TENM1: variants seen among roughly 807,000 people sequenced by gnomAD.
TENM1 encodes teneurin transmembrane protein 1.
A neutral mutation model predicts 174.8 loss-of-function variants in TENM1; 35 were observed. The ratio of observed to expected loss-of-function variants is 0.20; its 90% CI spans 0.15 to 0.27. The LOEUF is 0.27. TENM1 is among the 10% of genes least tolerant of loss of function. The pLI, the probability that TENM1 is intolerant of heterozygous loss-of-function variation, is 1.00. For synonymous variants in TENM1, 781 were observed against 798.7 expected, an observed-to-expected ratio of 0.98 and a Z score of 0.37; for missense variants, 1,633 against 2,130.1, an observed-to-expected ratio of 0.77 and a Z score of 4.59.
At chrX:124,555,862 C>G (rs768712916) in intron 14 of TENM1, among the ~76,000 whole-genome samples, 5 of 111,894 alleles carry the variant, frequency 4.5e-5, no homozygotes, top group African/African-American at 6.5e-5. Flanking sequence ...CGATGATGAA[C>G]AGCAGTAGCA....
intron 1 of TENM1, among the ~76,000 whole-genome samples, chrX:124,950,825 A>G (rs868247829): frequency 1.3e-4 from 15 of 111,889 alleles, no homozygotes; most frequent in African/African-American, 4.9e-4. Context: ...TAAAAACTGC[A>G]TAATTGTTTT....
chrX:124,996,230 T>G, the TENM1 span, among the ~76,000 whole-genome samples: 8 of 110,907 alleles, frequency 7.2e-5, no homozygotes, highest in Non-Finnish European at 1.5e-4. Flanking sequence ...CTTCTTCACA[T>G]TAACTTTCTG....
At chrX:125,123,128 A>G in the TENM1 span, among the ~76,000 whole-genome samples, 1 of 111,946 alleles carries the variant, frequency 8.9e-6, no homozygotes, top group Admixed American at 9.6e-5. Flanking sequence ...ACACAACTGA[A>G]CATACTTAAT....
chrX:124,579,045 T>A, intron 11 of TENM1, among the ~76,000 whole-genome samples: 1 of 112,158 alleles, frequency 8.9e-6, no homozygotes, highest in Non-Finnish European at 1.9e-5. Context: ...CTCAGATCAT[T>A]GAAGATAGCT....
chrX:124,738,395 G>T (rs747442930), intron 3 of TENM1, among the ~76,000 whole-genome samples: 1 of 111,836 alleles, frequency 8.9e-6, no homozygotes, highest in South Asian at 3.7e-4. Context: ...CATTGGCATG[G>T]TTTTTTATTT....
intron 3 of TENM1, among the ~76,000 whole-genome samples, chrX:124,867,216 T>A (rs2057024551): frequency 8.9e-6 from 1 of 111,858 alleles, no homozygotes; most frequent in Admixed American, 9.5e-5. Context: ...ATATTTCTGA[T>A]GAATATTGAT....
At chrX:124,988,607 T>C in the TENM1 span, among the ~76,000 whole-genome samples, 4 of 111,453 alleles carry the variant, frequency 3.6e-5, no homozygotes, top group Non-Finnish European at 5.7e-5. Flanking sequence ...AGAAAAATAA[T>C]TGTATACCAA....
chrX:124,755,581 C>T lies in TENM1; in HGVS notation c.536-18384G>A, dbSNP rs12388225. ...GTTAGTTGATGCAGTTTCTTCCTAG[C>T]CTCGATGGTCTTTACAATTTGGCAT... On this transcript the variant is annotated intron_variant, in intron 3 of 31. Transcript: ENST00000422452. 9.0e-4 allele frequency among the ~76,000 whole-genome samples: 100 copies of T among 111,397 alleles called. 2 individuals are homozygous for T. Among genetic ancestry groups the T allele is most frequent in the African/African-American group, 3.1e-3 (95 of 30,608 alleles).
rs2060904637 is a variant in TENM1, at chrX:124,441,734, G to A, written c.4104+11603C>T. Among the ~76,000 whole-genome samples the A allele has an allele frequency of 1.8e-5, 2 of 112,389 alleles. 1 individual carries two copies. On this transcript the variant is annotated intron_variant, in intron 23 of 31. Coordinates refer to ENST00000422452, the Ensembl canonical transcript of TENM1. ...TTGTTGTGGTCCAGGCATGAGAACGGTGAAAGAAAATGGGAAAATACACTG... is the reference window on the plus strand; with the variant it reads ...TTGTTGTGGTCCAGGCATGAGAACGATGAAAGAAAATGGGAAAATACACTG...
At chrX:124,878,511 G>A (rs1359525417) in intron 3 of TENM1, among the ~76,000 whole-genome samples, 3 of 109,025 alleles carry the variant, frequency 2.8e-5, no homozygotes, top group Non-Finnish European at 5.7e-5. Context: ...GTGGTCATGA[G>A]TTCACATGAG....
At chrX:124,888,804 T>C (rs1417408950) in intron 3 of TENM1, among the ~76,000 whole-genome samples, 1 of 112,010 alleles carries the variant, frequency 8.9e-6, no homozygotes, top group African/African-American at 3.2e-5. Flanking sequence ...AAGTGCTATA[T>C]ATCCATTTTC....
chrX:125,051,503 C>T, the TENM1 span, among the ~76,000 whole-genome samples: 8 of 110,827 alleles, frequency 7.2e-5, no homozygotes, highest in African/African-American at 2.0e-4. Context: ...GAGATATAGA[C>T]CAATGGAACA....
At chrX:124,602,481 T>C (rs5956666) in intron 11 of TENM1, among the ~76,000 whole-genome samples, 4,459 of 110,770 alleles carry the variant, frequency 0.04, 101 homozygotes, top group African/African-American at 0.077. Context: ...TATATAATAA[T>C]AAGATTATTG....
At chrX:124,475,967 T>C (rs1387567543) in intron 22 of TENM1, among the ~76,000 whole-genome samples, 1 of 111,757 alleles carries the variant, frequency 8.9e-6, no homozygotes, top group East Asian at 2.8e-4. Context: ...TTATTTGCAG[T>C]TTCCTAAATA....
At chrX:125,029,399 G>A in the TENM1 span, among the ~76,000 whole-genome samples, 8 of 110,979 alleles carry the variant, frequency 7.2e-5, no homozygotes, top group African/African-American at 2.0e-4. Context: ...CCATCTCTTC[G>A]CATCTCTTGT....
chrX:124,948,755 T>A (rs1204264042), intron 1 of TENM1, among the ~76,000 whole-genome samples: 1 of 112,091 alleles, frequency 8.9e-6, no homozygotes, highest in East Asian at 2.8e-4. Context: ...TGTTTCACCA[T>A]ATTGGCCAGG....
intron 1 of TENM1, among the ~76,000 whole-genome samples, chrX:124,910,917 A>T (rs1453232666): frequency 2.9e-5 from 3 of 101,915 alleles, no homozygotes; most frequent in East Asian, 3.0e-4. Context: ...ATATATTATA[A>T]TTTTTTTTTT....
At chrX:124,978,788 T>A in the TENM1 span, among the ~76,000 whole-genome samples, 3 of 111,960 alleles carry the variant, frequency 2.7e-5, no homozygotes, top group Non-Finnish European at 5.6e-5. Context: ...TGATGCCATC[T>A]TCATATTTGC....
chrX:124,685,834 C>A (rs1332596483), intron 5 of TENM1, among the ~76,000 whole-genome samples: 4 of 111,867 alleles, frequency 3.6e-5, no homozygotes, highest in Non-Finnish European at 7.5e-5. Flanking sequence ...ACTGGGATTA[C>A]AGGCGTGAGC....
Sources: allele counts gnomAD v4.1 joint callset (sites outside exome capture counted in the v4.1 genomes callset), GRCh38; gene constraint gnomAD v4.1.1; transcripts MANE v1.5; gene names NCBI Gene and HGNC (gene_info 2026-07-23, HGNC 2026-07-21).